The following SCAI variants were observed in gnomAD, a reference collection of about 807,000 sequenced individuals.
SCAI encodes suppressor of cancer cell invasion.
A neutral mutation model predicts 92.2 loss-of-function variants in SCAI; 24 were observed. The ratio of observed to expected loss-of-function variants is 0.26; its 90% confidence interval spans 0.19 to 0.37. SCAI has a LOEUF of 0.37. Ranked by LOEUF, SCAI falls within the 10% of genes least tolerant of loss-of-function variation. The probability of loss-of-function intolerance (pLI) is 1.00; values close to 1 mark genes in which losing one functional copy is unlikely to be tolerated. For synonymous variants in SCAI, 261 were observed against 258.6 expected (o/e 1.01, Z -0.09); for missense variants, 450 against 736.2 (o/e 0.61, Z 4.50).
chr9:125,121,249 T>G (rs1251805235), intron 2 of SCAI, among the ~76,000 whole-genome samples: 1 of 149,382 alleles, frequency 6.7e-6, no homozygotes, highest in Non-Finnish European at 1.5e-5. Context: ...GCATCCTGTT[T>G]CAGTTGAGGG....
chr9:125,056,048 T>C (rs767534674), intron 2 of SCAI, 41 bp from the exon 3 acceptor site: 1 of 1,504,694 alleles, frequency 6.6e-7, no homozygotes, highest in Non-Finnish European at 9.0e-7. Flanking sequence ...GAGGTAAAAA[T>C]AAAAATAGAA....
chr9:125,104,436 T>C (rs1156259530), intron 2 of SCAI, among the ~76,000 whole-genome samples: 1 of 152,198 alleles, frequency 6.6e-6, no homozygotes, highest in Non-Finnish European at 1.5e-5. Context: ...TATTCTTAAC[T>C]CTAGCCTTTA....
Position 125,058,908 on chromosome 9 carries a change from C to G in SCAI, c.99-2901G>C, listed in dbSNP as rs537621170. 1.4e-4 allele frequency among the ~76,000 whole-genome samples: 22 copies of G among 152,298 alleles called. No individual in the cohort carries two copies. In the South Asian group the frequency reaches 4.6e-3, roughly 32 times the overall value. On this transcript the variant is annotated intron_variant, in intron 2 of 17. Transcript: ENST00000336505. ...CTTGAAGGAGATCCCACTGGCCAAA[C>G]AGGGTAATTTCAGCATCAATACCAA...
In SCAI at chr9:124,962,175, G is replaced by A. The variant is rs1290514558; in HGVS notation, c.1674+9195C>T. On this transcript the variant is annotated intron_variant, in intron 17 of 17. Coordinates refer to ENST00000336505, the MANE Select transcript of SCAI (RefSeq NM_001144877.3). ...CTTTTTTTTTTTTTTTTTTTTGCGG[G>A]GGGGGATGGAGTCTTGCTCTGTCGC... Among the ~76,000 whole-genome samples, 4 of 144,158 alleles carry A rather than the reference G, an allele frequency of 2.8e-5. No individual in the cohort carries two copies. In the East Asian group the frequency reaches 8.0e-4, roughly 29 times the overall value. 94.6% of individuals were successfully genotyped at this position (144,158 alleles called of 152,430 possible).
chr9:125,106,033 G>A (rs1313647713), intron 2 of SCAI, among the ~76,000 whole-genome samples: 1 of 139,310 alleles, frequency 7.2e-6, no homozygotes, highest in African/African-American at 2.7e-5. Context: ...GCAAGCGGAG[G>A]TTGCAGTGAG....
At position 125,003,124 on chromosome 9, in the gene SCAI, G is replaced by A. The variant is rs752954982; in HGVS notation, c.1055C>T (p.Ala352Val). ...CTGGATCACACATACCTTAAAAGAC[G>A]CTGCTAAGAAGGTATATAGCTGGCT... ...TFSQLYTFLAASFKELPANSV... is the reference protein window; with the variant it reads ...TFSQLYTFLAVSFKELPANSV... The change falls in exon 11 of 18, where the codon GCG (alanine) becomes GTG (valine). Residue 352 changes from alanine to valine, a missense_variant. This residue lies in a region of SCAI where 360 missense variants were observed against 601.8 expected (regional missense o/e 0.60). Transcript: ENST00000336505. 1.9e-6 allele frequency: 3 copies of A among 1,609,880 alleles called. No homozygotes were observed. The highest frequency in any genetic ancestry group is 2.2e-5 in the East Asian group (1 of 44,854).
chr9:125,003,183 G>A lies in SCAI; in HGVS notation c.996C>T (p.Asn332=). 6.2e-7 allele frequency: 1 copy of A among 1,613,838 alleles called. No individual in the cohort carries two copies. Among genetic ancestry groups the A allele is most frequent in the East Asian group, 2.2e-5 (1 of 44,862 alleles). Residue 332 remains asparagine (N), a synonymous_variant, in exon 11 of 18, where the codon AAC becomes AAT. Coordinates refer to ENST00000336505, the MANE Select transcript of SCAI (RefSeq NM_001144877.3). ...GTTTGTAGAGCAGATACTTGTGGGG[G>A]TTTTCTCGTCTAGTAGGCTTGTCAG... ...ESADKPTRRE[N]PHKYLLYKPT...
intron 2 of SCAI, among the ~76,000 whole-genome samples, chr9:125,085,431 G>A (rs968894539): frequency 6.6e-6 from 1 of 152,164 alleles, no homozygotes; most frequent in Non-Finnish European, 1.5e-5. Flanking sequence ...GGACTGCAGT[G>A]AGCCGAGAGT....
chr9:125,141,520 T>C (rs886347073), intron 2 of SCAI, among the ~76,000 whole-genome samples: 7 of 152,248 alleles, frequency 4.6e-5, no homozygotes, highest in South Asian at 2.1e-4. Context: ...GATAAATATA[T>C]CTTCATCTCC....
chr9:125,118,276 G>C (rs576117426), intron 2 of SCAI, among the ~76,000 whole-genome samples: 25 of 152,042 alleles, frequency 1.6e-4, no homozygotes, highest in Admixed American at 1.2e-3. Flanking sequence ...CATTTTGAGA[G>C]GCCAGCACAG....
chr9:125,020,869 C>G, intron 6 of SCAI, 100 bp from the exon 7 acceptor site: 1 of 565,358 alleles, frequency 1.8e-6, no homozygotes, highest in Non-Finnish European at 3.1e-6. Context: ...CCCTCCTTTT[C>G]TGCACAATTA....
chr9:125,079,530 T>C (rs1465507562), intron 2 of SCAI, among the ~76,000 whole-genome samples: 1 of 152,230 alleles, frequency 6.6e-6, no homozygotes, highest in African/African-American at 2.4e-5. Context: ...AGTTAAATGC[T>C]ATACTGCCTA....
chr9:125,109,457 CCAAA>C (rs989111339), intron 2 of SCAI, among the ~76,000 whole-genome samples: 40 of 152,140 alleles, frequency 2.6e-4, no homozygotes, highest in Admixed American at 1.3e-3. Context: ...TAATAAAACA[CCAAA>C]CAATTTTAAA....
At chr9:124,961,534 C>G (rs1479855464) in intron 17 of SCAI, among the ~76,000 whole-genome samples, 1 of 151,458 alleles carries the variant, frequency 6.6e-6, no homozygotes, top group Admixed American at 6.6e-5. Context: ...CCTGTAATCC[C>G]AGCTACTCGG....
chr9:125,009,651 C>T (rs1449351008), intron 9 of SCAI, among the ~76,000 whole-genome samples: 1 of 151,992 alleles, frequency 6.6e-6, no homozygotes, highest in Admixed American at 6.6e-5. Flanking sequence ...CTTTGGGAGG[C>T]CAAGCTGGGG....
intron 14 of SCAI, among the ~76,000 whole-genome samples, chr9:124,978,784 A>C (rs1429826686): frequency 1.3e-5 from 2 of 152,246 alleles, no homozygotes. Context: ...TTATGCTACA[A>C]TAATACAATG....
chr9:125,087,189 G>A, intron 2 of SCAI, among the ~76,000 whole-genome samples: 1 of 152,190 alleles, frequency 6.6e-6, no homozygotes, highest in Non-Finnish European at 1.5e-5. Context: ...TATCTCTTCT[G>A]CTAAAGACAT....
Position 124,966,485 on chromosome 9 carries a change from G to T in SCAI, c.1674+4885C>A, listed in dbSNP as rs545719826. Reference sequence around the variant, plus strand: ...GTTTACACTTCTCTGGACTGTGAATGGTACCATATATGGTCTGTAAGTGTG... The same window carrying T: ...GTTTACACTTCTCTGGACTGTGAATTGTACCATATATGGTCTGTAAGTGTG... On this transcript the variant is annotated intron_variant, in intron 17 of 17. Coordinates refer to ENST00000336505, the MANE Select transcript of SCAI (RefSeq NM_001144877.3). Among the ~76,000 whole-genome samples, 3 of 152,064 alleles carry T rather than the reference G, an allele frequency of 2.0e-5. No individual in the cohort carries two copies. The South Asian group carries it at 6.2e-4, about 32-fold the overall frequency.
At chr9:125,075,619 T>C (rs1834073046) in intron 2 of SCAI, among the ~76,000 whole-genome samples, 1 of 146,302 alleles carries the variant, frequency 6.8e-6, no homozygotes, top group Admixed American at 7.0e-5. Context: ...CAGGCTGGAG[T>C]ACAGTGGCAC....
Sources: gnomAD v4.1 joint callset for allele counts (sites outside exome capture counted in the v4.1 genomes callset) on GRCh38, gnomAD v4.1.1 for gene constraint, gnomAD v4.1.1 regional missense constraint, MANE v1.5 for transcripts, NCBI Gene and HGNC (gene_info 2026-07-23, HGNC 2026-07-21) for gene names.